The following PUDP variants were observed in gnomAD, a reference collection of about 807,000 sequenced individuals.
PUDP encodes pseudouridine 5'-phosphatase.
PUDP carries 8 observed loss-of-function variants against 9.4 expected under a neutral mutation model. That is an observed-to-expected ratio of 0.85 (90% CI 0.50 to 1.53). The LOEUF (loss-of-function observed/expected upper bound fraction) is 1.53. PUDP is among the 40% of genes most tolerant of loss of function. The pLI, the probability that PUDP is intolerant of heterozygous loss-of-function variation, is 0.00. For synonymous variants in PUDP, 99 were observed against 80.7 expected (o/e 1.23, Z -1.22); for missense variants, 188 against 189.7 (o/e 0.99, Z 0.05).
At chrX:6,713,207 G>A in intron 1 of PUDP, among the ~76,000 whole-genome samples, 1 of 112,072 alleles carries the variant, frequency 8.9e-6, no homozygotes. Flanking sequence ...TAATGGAAAG[G>A]ATCACTAATT....
chrX:7,023,709 A>G (rs184551244), intron 1 of PUDP, among the ~76,000 whole-genome samples: 36 of 112,066 alleles, frequency 3.2e-4, no homozygotes, highest in Non-Finnish European at 6.4e-4. Context: ...CTACTTGTCT[A>G]TCTTTATGCC....
intron 1 of PUDP, among the ~76,000 whole-genome samples, chrX:6,720,238 ATATG>A (rs201125510): frequency 4.8e-5 from 3 of 62,200 alleles, no homozygotes; most frequent in African/African-American, 2.4e-4. Context: ...ATGTGTGTAT[ATATG>A]TATGTGTGTG....
chrX:6,840,781 T>C (rs1490816464), intron 3 of PUDP, among the ~76,000 whole-genome samples: 1 of 104,288 alleles, frequency 9.6e-6, no homozygotes, highest in Non-Finnish European at 2.0e-5. Flanking sequence ...CATAGGTTCA[T>C]CAATTGTAAA....
intron 3 of PUDP, among the ~76,000 whole-genome samples, chrX:6,840,341 T>A (rs1435603746): frequency 4.5e-5 from 5 of 112,028 alleles, no homozygotes; most frequent in African/African-American, 1.6e-4. Flanking sequence ...ATCAGCAGCA[T>A]GAGAATGGAC....
chrX:6,723,432 C>CAAAAA (rs549361509), upstream of PUDP, among the ~76,000 whole-genome samples: 1 of 17,336 alleles, frequency 5.8e-5, no homozygotes, highest in African/African-American at 1.4e-4. Flanking sequence ...GAGGCTCTGT[C>CAAAAA]AAAAAAAAAA....
intron 3 of PUDP, among the ~76,000 whole-genome samples, chrX:6,968,215 C>T (rs1238690360): frequency 8.9e-6 from 1 of 112,167 alleles, no homozygotes; most frequent in African/African-American, 3.2e-5. Flanking sequence ...GCCCCTACAC[C>T]CCACACACTT....
intron 1 of PUDP, among the ~76,000 whole-genome samples, chrX:7,014,376 A>G (rs1488060397): frequency 2.7e-5 from 3 of 110,706 alleles, no homozygotes; most frequent in African/African-American, 9.9e-5. Flanking sequence ...TATCAATTTC[A>G]TGAATGTGTG....
At chrX:7,011,980 C>T (rs1309005710) in intron 1 of PUDP, among the ~76,000 whole-genome samples, 2 of 112,460 alleles carry the variant, frequency 1.8e-5, no homozygotes, top group African/African-American at 6.5e-5. Context: ...AATACTACAA[C>T]ATCAAGGAAC....
chrX:6,868,995 T>C (rs1268318103), intron 3 of PUDP, among the ~76,000 whole-genome samples: 2 of 112,343 alleles, frequency 1.8e-5, no homozygotes, highest in Admixed American at 9.4e-5. Flanking sequence ...AAAGGTTCTC[T>C]GTAGCAATGA....
intron 1 of PUDP, among the ~76,000 whole-genome samples, chrX:6,982,031 C>A (rs939923553): frequency 7.8e-5 from 8 of 102,143 alleles, no homozygotes; most frequent in African/African-American, 3.0e-4. Context: ...GATACACACA[C>A]ACACACACAC....
chrX:6,891,610 C>T (rs1927517443), intron 3 of PUDP, among the ~76,000 whole-genome samples: 1 of 112,236 alleles, frequency 8.9e-6, no homozygotes, highest in Non-Finnish European at 1.9e-5. Context: ...CCATTGCCCT[C>T]TGCCTTGGAC....
intron 1 of PUDP, among the ~76,000 whole-genome samples, chrX:7,115,700 G>C (rs753086296): frequency 8.9e-6 from 1 of 112,330 alleles, no homozygotes; most frequent in Non-Finnish European, 1.9e-5. Context: ...TGTTCTGAAA[G>C]GTCACTGTGG....
At chrX:7,052,307 G>A (rs774001606) in intron 3 of PUDP, among the ~76,000 whole-genome samples, 1 of 111,504 alleles carries the variant, frequency 9.0e-6, no homozygotes, top group African/African-American at 3.3e-5. Context: ...AAAGTGCTGG[G>A]ATTACAGGTG....
upstream of PUDP, among the ~76,000 whole-genome samples, chrX:6,723,271 TA>T (rs72151981): frequency 0.29 from 26,769 of 92,629 alleles, 3,313 homozygotes; most frequent in Non-Finnish European, 0.37. Flanking sequence ...CAAAAAACAA[TA>T]AAAAAAAAAA....
At chrX:6,836,722 T>A (rs1418693142) in intron 3 of PUDP, among the ~76,000 whole-genome samples, 1 of 109,907 alleles carries the variant, frequency 9.1e-6, no homozygotes, top group African/African-American at 3.4e-5. Context: ...ACATCAAGAC[T>A]CTTAATTTAA....
At chrX:6,992,161 G>T (rs1047793600) in intron 1 of PUDP, among the ~76,000 whole-genome samples, 6 of 110,027 alleles carry the variant, frequency 5.5e-5, no homozygotes, top group Middle Eastern at 4.7e-3. Flanking sequence ...CCAAGGACAT[G>T]ATTGCAGTTG....
chrX:7,044,762 A>C (rs1929963505), downstream of PUDP, among the ~76,000 whole-genome samples: 1 of 112,387 alleles, frequency 8.9e-6, no homozygotes, highest in Admixed American at 9.4e-5. Context: ...ATTTAGAGTT[A>C]TTTTGTCATT....
At chrX:7,012,007 T>C (rs1929483850) in intron 1 of PUDP, among the ~76,000 whole-genome samples, 2 of 112,572 alleles carry the variant, frequency 1.8e-5, no homozygotes, top group African/African-American at 3.2e-5. Context: ...AGTTGGAGAA[T>C]AGAAGTGTGT....
chrX:7,079,294 TA>T (rs1453513926), intron 2 of PUDP, among the ~76,000 whole-genome samples: 22 of 112,696 alleles, frequency 2.0e-4, no homozygotes, highest in African/African-American at 7.1e-4. Flanking sequence ...TCTAAATGTG[TA>T]AACATCAAAT....
Sources: gnomAD v4.1 joint callset for allele counts (sites outside exome capture counted in the v4.1 genomes callset) on GRCh38, gnomAD v4.1.1 for gene constraint, MANE v1.5 for transcripts, NCBI Gene and HGNC (gene_info 2026-07-23, HGNC 2026-07-21) for gene names.